SEC24B: variants seen among roughly 807,000 people sequenced by gnomAD.
SEC24B encodes the protein protein transport protein Sec24B.
A neutral mutation model predicts 142.8 loss-of-function variants in SEC24B; 45 were observed. That is an observed-to-expected ratio of 0.32 (90% CI 0.25 to 0.40). The LOEUF is 0.40. Among genes scored for constraint, SEC24B ranks in the 10% least tolerant of loss-of-function variants. The probability of loss-of-function intolerance (pLI) is 1.00; values close to 1 mark genes in which losing one functional copy is unlikely to be tolerated. For synonymous variants in SEC24B, 574 were observed against 568.2 expected, an observed-to-expected ratio of 1.01 and a Z score of -0.15; for missense variants, 1,409 against 1,526.8, an observed-to-expected ratio of 0.92 and a Z score of 1.29.
intron 4 of SEC24B, chr4:109,488,679 CA>C (rs1362566827): frequency 1.2e-5 from 2 of 164,260 alleles, no homozygotes; most frequent in Non-Finnish European, 2.9e-5. Context: ...AACTGTTTTC[CA>C]AAGTAACTGC....
intron 1 of SEC24B, among the ~76,000 whole-genome samples, chr4:109,443,190 A>G (rs1053744603): frequency 6.6e-6 from 1 of 152,186 alleles, no homozygotes; most frequent in Non-Finnish European, 1.5e-5. Context: ...GCAATCTGAC[A>G]ATCTGAAGAT....
intron 8 of SEC24B, among the ~76,000 whole-genome samples, chr4:109,511,671 C>T (rs34851707): frequency 6.6e-6 from 1 of 152,134 alleles, no homozygotes; most frequent in Non-Finnish European, 1.5e-5. Flanking sequence ...ATGTTTCTCT[C>T]TCACTGTTAT....
At chr4:109,519,967 G>C (rs1358046129) in intron 11 of SEC24B, among the ~76,000 whole-genome samples, 2 of 152,094 alleles carry the variant, frequency 1.3e-5, no homozygotes, top group African/African-American at 2.4e-5. Context: ...TCTTTGTATT[G>C]TAGCATCGAC....
At chr4:109,449,752 G>A (rs1729869793) in intron 1 of SEC24B, among the ~76,000 whole-genome samples, 1 of 151,986 alleles carries the variant, frequency 6.6e-6, no homozygotes, top group Non-Finnish European at 1.5e-5. Flanking sequence ...ACCTCCCAAA[G>A]GCCCCACCTC....
intron 1 of SEC24B, among the ~76,000 whole-genome samples, chr4:109,439,363 C>G (rs1728699041): frequency 6.6e-6 from 1 of 151,238 alleles, no homozygotes. Flanking sequence ...ATCAGTGTCT[C>G]AGGTTTCTAG....
At chr4:109,462,154 C>G (rs1451838605) in intron 1 of SEC24B, among the ~76,000 whole-genome samples, 1 of 152,064 alleles carries the variant, frequency 6.6e-6, no homozygotes, top group Non-Finnish European at 1.5e-5. Context: ...CATGATCATG[C>G]CATCGCGCTC....
At chr4:109,498,709 G>T (rs1451008723) in intron 6 of SEC24B, among the ~76,000 whole-genome samples, 1 of 152,060 alleles carries the variant, frequency 6.6e-6, no homozygotes, top group African/African-American at 2.4e-5. Context: ...TCTTAGCTTA[G>T]CTTTAAACAG....
intron 6 of SEC24B, among the ~76,000 whole-genome samples, chr4:109,505,361 T>G (rs1369655389): frequency 6.6e-6 from 1 of 152,062 alleles, no homozygotes; most frequent in Non-Finnish European, 1.5e-5. Context: ...TATGAAAAAT[T>G]TAATAATCTG....
intron 3 of SEC24B, among the ~76,000 whole-genome samples, chr4:109,477,354 T>G (rs1402701185): frequency 6.6e-6 from 1 of 152,072 alleles, no homozygotes; most frequent in African/African-American, 2.4e-5. Context: ...GGTCTTGTTT[T>G]GTTGCCTAGG....
intron 1 of SEC24B, among the ~76,000 whole-genome samples, chr4:109,438,240 A>G (rs542720279): frequency 1.2e-4 from 18 of 152,384 alleles, no homozygotes; most frequent in African/African-American, 3.4e-4. Flanking sequence ...TTAGACATGT[A>G]TTAAATGAAG....
chr4:109,500,689 T>A (rs28829974), intron 6 of SEC24B, among the ~76,000 whole-genome samples: 17,810 of 152,120 alleles, frequency 0.12, 3,475 homozygotes, highest in African/African-American at 0.4. Context: ...TCTCCTTCTG[T>A]CACCCAGGCT....
At chr4:109,475,118 G>A (rs924625049) in intron 3 of SEC24B, among the ~76,000 whole-genome samples, 3 of 152,148 alleles carry the variant, frequency 2.0e-5, no homozygotes, top group African/African-American at 4.8e-5. Context: ...ATTGGCTGTT[G>A]ACAAACTAAC....
chr4:109,538,885 A>G (rs1725853529), intron 23 of SEC24B, among the ~76,000 whole-genome samples: 2 of 152,206 alleles, frequency 1.3e-5, no homozygotes, highest in East Asian at 3.9e-4. Context: ...CCCATGCTCA[A>G]GTAATCCTCC....
chr4:109,502,781 T>C (rs1479678130), intron 6 of SEC24B, among the ~76,000 whole-genome samples: 2 of 152,244 alleles, frequency 1.3e-5, no homozygotes, highest in Non-Finnish European at 2.9e-5. Context: ...CAAGAATGTA[T>C]TTAATTGCCC....
At chr4:109,527,633 G>A (rs1464831166) in intron 18 of SEC24B, among the ~76,000 whole-genome samples, 4 of 151,918 alleles carry the variant, frequency 2.6e-5, no homozygotes, top group African/African-American at 9.7e-5. Flanking sequence ...ATAGCCGAGC[G>A]TGGTGGCAGG....
intron 10 of SEC24B, 73 bp downstream of exon 10, chr4:109,513,929 C>A: frequency 1.0e-6 from 1 of 959,432 alleles, no homozygotes; most frequent in Non-Finnish European, 1.7e-6. Flanking sequence ...GTTAAGTGAA[C>A]TCTTATCGAG....
intron 4 of SEC24B, among the ~76,000 whole-genome samples, chr4:109,486,174 G>A (rs1468062694): frequency 1.3e-5 from 2 of 152,170 alleles, no homozygotes; most frequent in Non-Finnish European, 2.9e-5. Context: ...GCTCTGTGGA[G>A]TAGGTGTTAT....
Position 109,524,929 on chromosome 4 carries a change from C to G in SEC24B, c.2620C>G (p.Leu874Val). Residue 874 changes from leucine (L) to valine (V), a missense_variant, in exon 15 of 24, where the codon CTT (leucine) becomes GTT (valine). This residue lies in a region of SEC24B where 700 missense variants were observed against 853.3 expected (regional missense o/e 0.82). Transcript: ENST00000265175. ...LFLLSSQYSD[L>V]ASLACMSKYS... ...CCTTTTAAGTTCACAGTATTCTGAT[C>G]TTGCTTCTCTAGGTAAGGAAAGTCA... 1 of 1,609,522 alleles carries G rather than the reference C, an allele frequency of 6.2e-7. No homozygotes were observed. Among genetic ancestry groups the G allele is most frequent in the South Asian group, 1.1e-5 (1 of 90,056 alleles).
chr4:109,509,550 G>T (rs573504775), intron 7 of SEC24B, among the ~76,000 whole-genome samples: 30 of 152,008 alleles, frequency 2.0e-4, no homozygotes, highest in Non-Finnish European at 4.0e-4. Flanking sequence ...GGTGGCAAGC[G>T]CCTGTAGTCC....
Sources: gnomAD v4.1 joint callset for allele counts (sites outside exome capture counted in the v4.1 genomes callset) on GRCh38, gnomAD v4.1.1 for gene constraint, gnomAD v4.1.1 regional missense constraint, MANE v1.5 for transcripts, NCBI Gene and HGNC (gene_info 2026-07-23, HGNC 2026-07-21) for gene names.